The following WIPF1 variants were observed in gnomAD, a reference collection of about 807,000 sequenced individuals.
WIPF1 encodes the protein WAS/WASL interacting protein family member 1.
Under a neutral mutation model 35.4 loss-of-function variants are expected in WIPF1, and 13 were observed. The ratio of observed to expected loss-of-function variants is 0.37; its 90% CI spans 0.24 to 0.58. The LOEUF (loss-of-function observed/expected upper bound fraction) is 0.58, where lower values mean the gene tolerates loss of function less well. WIPF1 is among the 20% of genes least tolerant of loss of function. The pLI is 0.74. For synonymous variants in WIPF1, 267 were observed against 266.3 expected (o/e 1.00, Z -0.02); for missense variants, 591 against 667.0 (o/e 0.89, Z 1.25).
chr2:174,590,264 G>A lies in WIPF1; in HGVS notation c.-38-4653C>T, dbSNP rs180883719. Reference sequence around the variant, plus strand: ...CATCTGTTAAATGGGAAGTTGCTGAGCAGATTAAATGAAATGGTGTGTGCA... The same window carrying A: ...CATCTGTTAAATGGGAAGTTGCTGAACAGATTAAATGAAATGGTGTGTGCA... On this transcript the variant is annotated intron_variant, in intron 1 of 7. Transcript: ENST00000679041. The surrounding 1 kb of genome is among the most constrained non-coding windows in gnomAD (Gnocchi z 4.6). Among the ~76,000 whole-genome samples the A allele has an allele frequency of 2.2e-3, 336 of 152,282 alleles. 1 individual carries two copies. Among genetic ancestry groups the A allele is most frequent in the African/African-American group, 7.9e-3 (327 of 41,550 alleles).
intron 1 of WIPF1, among the ~76,000 whole-genome samples, chr2:174,625,208 G>A (rs1686793158): frequency 6.6e-6 from 1 of 152,200 alleles, no homozygotes; most frequent in Non-Finnish European, 1.5e-5. Context: ...CATGTTCTCA[G>A]TCCACAGGTG....
chr2:174,592,410 C>G (rs1396362601), intron 1 of WIPF1, among the ~76,000 whole-genome samples: 1 of 150,792 alleles, frequency 6.6e-6, no homozygotes, highest in Non-Finnish European at 1.5e-5. Flanking sequence ...AAAAGTAACC[C>G]TTAAATACTA....
intron 1 of WIPF1, among the ~76,000 whole-genome samples, chr2:174,608,975 C>A (rs1419119929): frequency 6.6e-6 from 1 of 152,208 alleles, no homozygotes; most frequent in East Asian, 1.9e-4. Flanking sequence ...CCCATCTGAA[C>A]ACTGTGGGAA....
At position 174,652,909 on chromosome 2, in the gene WIPF1, C is replaced by T. The variant is rs575280735; in HGVS notation, c.-39+29865G>A. On this transcript the variant is annotated intron_variant, in intron 1 of 8. Coordinates refer to the WIPF1 transcript ENST00000272746. ...ATTTCCTAGATTTATGGTTTTTTGCCCTAGTTCTGTTGGTCTGTTTTCCAC... is the reference window on the plus strand; with the variant it reads ...ATTTCCTAGATTTATGGTTTTTTGCTCTAGTTCTGTTGGTCTGTTTTCCAC... Among the ~76,000 whole-genome samples, 14 of 151,616 alleles carry T rather than the reference C, an allele frequency of 9.2e-5. No homozygotes were observed. In the South Asian group the frequency reaches 2.9e-3, roughly 32 times the overall value.
intron 1 of WIPF1, among the ~76,000 whole-genome samples, chr2:174,655,095 T>C (rs552260565): frequency 6.6e-5 from 10 of 152,272 alleles, no homozygotes; most frequent in South Asian, 4.1e-4. Context: ...GTGTTCCCTA[T>C]TGCAAGATGA....
At chr2:174,626,526 C>A (rs570954101) in intron 1 of WIPF1, among the ~76,000 whole-genome samples, 28 of 152,322 alleles carry the variant, frequency 1.8e-4, no homozygotes, top group African/African-American at 6.5e-4. Flanking sequence ...TTCAAACTCA[C>A]TATATCCCAA....
chr2:174,613,461 G>C (rs561444052), intron 1 of WIPF1, among the ~76,000 whole-genome samples: 1 of 152,326 alleles, frequency 6.6e-6, no homozygotes, highest in East Asian at 1.9e-4. Context: ...GGGCTAGAAG[G>C]ACAACTGATC....
rs1457976059 is a variant in WIPF1 at position 174,562,398 on chromosome 2, C to T, written c.*149G>A. The T allele has an allele frequency of 2.0e-6, 3 of 1,505,276 alleles. No individual in the cohort carries two copies. In the African/African-American group the frequency reaches 4.2e-5, roughly 21 times the overall value. 93.2% of individuals were successfully genotyped at this position (1,505,276 alleles called of 1,614,324 possible). On this transcript the variant is annotated 3_prime_UTR_variant, in exon 8 of 8. Transcript: ENST00000679041. ...GCTAGGTGCATTTCTTACCGATTCC[C>T]ACCCACACACGCATATTCCCACTCC...
rs1383558047 is a variant in WIPF1, at chr2:174,588,525, AATT to A, written c.-38-2917_-38-2915del. Among the ~76,000 whole-genome samples the A allele has an allele frequency of 2.0e-5, 3 of 152,216 alleles. No individual in the cohort carries two copies. In the East Asian group the frequency reaches 5.8e-4, roughly 30 times the overall value. ...GGCTGCCACCCTGAAAGGCCTCCTT[AATT>A]ATTTTACAATTCTCTGTTGCTGCTG... is the stretch of plus-strand genomic sequence containing the variant. On this transcript the variant is annotated intron_variant, in intron 1 of 7. Coordinates refer to ENST00000679041, the MANE Select transcript of WIPF1 (RefSeq NM_001375834.1).
At position 174,632,805 on chromosome 2, in the gene WIPF1, A is replaced by G. The variant is rs576386058; in HGVS notation, c.-38-47194T>C. Among the ~76,000 whole-genome samples the G allele has an allele frequency of 6.5e-4, 99 of 152,092 alleles. 1 individual carries two copies. In the South Asian group the frequency reaches 0.017, roughly 27 times the overall value. ...TAAAAAGTCCCTTTCTACTGTGAGC[A>G]GCAGATTTGCAGAATATAAAACTTC... On this transcript the variant is annotated intron_variant, in intron 1 of 8. Transcript: ENST00000272746.
chr2:174,651,119 G>A (rs1216860486), intron 1 of WIPF1, among the ~76,000 whole-genome samples: 2 of 152,180 alleles, frequency 1.3e-5, no homozygotes, highest in Non-Finnish European at 2.9e-5. Context: ...GTCATCTGTG[G>A]AGACCGCTCA....
intron 1 of WIPF1, among the ~76,000 whole-genome samples, chr2:174,615,785 C>T (rs929940923): frequency 6.6e-6 from 1 of 152,162 alleles, no homozygotes; most frequent in Non-Finnish European, 1.5e-5. Flanking sequence ...CAAAGGTCAT[C>T]GGAGGACATT....
At chr2:174,583,559 C>A (rs939806379) in intron 2 of WIPF1, among the ~76,000 whole-genome samples, 1 of 152,136 alleles carries the variant, frequency 6.6e-6, no homozygotes, top group African/African-American at 2.4e-5. Flanking sequence ...TTCTATTTAT[C>A]CAAAATCTTG....
intron 5 of WIPF1, among the ~76,000 whole-genome samples, chr2:174,570,224 CA>C (rs1684784503): frequency 6.6e-6 from 1 of 151,982 alleles, no homozygotes; most frequent in South Asian, 2.1e-4. Context: ...ATCATATCAG[CA>C]AACATTAATG....
chr2:174,644,762 T>TA (rs1245305902), intron 1 of WIPF1, among the ~76,000 whole-genome samples: 1 of 152,152 alleles, frequency 6.6e-6, no homozygotes, highest in Non-Finnish European at 1.5e-5. Flanking sequence ...ATTGAGAAAA[T>TA]AATGTTGCTA....
At chr2:174,630,949 T>C (rs1031558282) in intron 1 of WIPF1, among the ~76,000 whole-genome samples, 21 of 152,214 alleles carry the variant, frequency 1.4e-4, no homozygotes, top group African/African-American at 5.1e-4. Flanking sequence ...AAGCAAGACA[T>C]GAACATTTTG....
intron 1 of WIPF1, among the ~76,000 whole-genome samples, chr2:174,625,464 G>A (rs1686801189): frequency 6.6e-6 from 1 of 152,148 alleles, no homozygotes; most frequent in Non-Finnish European, 1.5e-5. Context: ...GGGGGGCTCT[G>A]GATGCACATA....
In WIPF1 at chr2:174,567,909, G is replaced by C; in HGVS notation, c.1294C>G (p.Pro432Ala). ...RPSAGAPPPP[P>A]PSTSIRNGFQ... ...CCATTTCTAATAGATGTTGATGGTG[G>C]AGGTGGGGGAGGTGCCCCAGCACTG... Residue 432 changes from proline (P) to alanine (A), a missense_variant, in exon 6 of 8, where the codon CCA becomes GCA. Physicochemically the swap from Pro to Ala is conservative, Grantham distance 27. Transcript: ENST00000679041. 6.2e-7 allele frequency: 1 copy of C among 1,611,550 alleles called. No homozygotes were observed. Among genetic ancestry groups the C allele is most frequent in the South Asian group, 1.1e-5 (1 of 90,846 alleles).
chr2:174,600,550 C>A (rs147375387), upstream of WIPF1, among the ~76,000 whole-genome samples: 1 of 152,352 alleles, frequency 6.6e-6, no homozygotes, highest in East Asian at 1.9e-4. Context: ...AGGCCTTTTA[C>A]TTGCAAGCCT....
Sources: gnomAD v4.1 joint callset for allele counts (sites outside exome capture counted in the v4.1 genomes callset) on GRCh38, gnomAD v4.1.1 for gene constraint, Gnocchi (gnomAD v3.1) non-coding constraint, MANE v1.5 for transcripts, NCBI Gene and HGNC (gene_info 2026-07-23, HGNC 2026-07-21) for gene names.